FSCN2: variants seen among roughly 807,000 people sequenced by gnomAD.
FSCN2 encodes the protein fascin actin-bundling protein 2, retinal.
FSCN2 carries 46 observed loss-of-function variants against 37.8 expected under a neutral mutation model. The observed-to-expected ratio is 1.22, with a 90% CI of 0.96 to 1.56. The LOEUF is 1.56. FSCN2 is among the 40% of genes most tolerant of loss of function. The probability of loss-of-function intolerance (pLI) is 0.00; values close to 1 mark genes in which losing one functional copy is unlikely to be tolerated. For missense variants in FSCN2, 844 were observed against 730.4 expected (o/e 1.16, Z -1.79); for synonymous variants, 351 against 309.4 (o/e 1.13, Z -1.41).
the FSCN2 span, among the ~76,000 whole-genome samples, chr17:81,515,170 G>C: frequency 6.6e-6 from 1 of 152,190 alleles, no homozygotes; most frequent in Admixed American, 6.5e-5. Flanking sequence ...GGCGCAGGGG[G>C]CTGGACCGCG....
At chr17:81,532,440 A>ATGG (rs757834089) in intron 1 of FSCN2, among the ~76,000 whole-genome samples, 4 of 122,216 alleles carry the variant, frequency 3.3e-5, no homozygotes, top group African/African-American at 1.3e-4. Flanking sequence ...GATAATGGTG[A>ATGG]TGATGATGGT....
intron 1 of FSCN2, among the ~76,000 whole-genome samples, chr17:81,533,099 A>G (rs2032750991): frequency 6.6e-6 from 1 of 152,136 alleles, no homozygotes; most frequent in African/African-American, 2.4e-5. Context: ...GGGTGGTGCC[A>G]TAGCATCACC....
At position 81,536,361 on chromosome 17, in the gene FSCN2, C is replaced by T. The variant is rs2032877090; in HGVS notation, c.1105+94C>T. 20 of 1,479,926 alleles carry T rather than the reference C, an allele frequency of 1.4e-5. 1 individual carries two copies. The South Asian group carries it at 2.1e-4, about 16-fold the overall frequency. The allele number at this position is 1,479,926 out of a possible 1,614,324, so 91.7% of individuals were successfully genotyped here. A position where few individuals can be genotyped will look rare whatever the true frequency, so the allele number is the denominator to read the frequency against. The stretch of plus-strand genomic sequence containing the variant: ...ACCCCATCTCCACCAAGAGCTGGAC[C>T]CTCCCCAGCCCACGGAACGGGTGCT... On this transcript the variant is annotated intron_variant, in intron 3 of 4. Coordinates refer to ENST00000417245, the MANE Select transcript of FSCN2 (RefSeq NM_012418.4).
In FSCN2 at chr17:81,528,510, C is replaced by T. The variant is rs782326796; in HGVS notation, c.-22C>T. On this transcript the variant is annotated 5_prime_UTR_variant, in exon 1 of 5. Transcript: ENST00000417245. The stretch of plus-strand genomic sequence containing the variant: ...TCAGAGGGCGCATCCCAGGCCCCTC[C>T]GGGGACCCGGCCAGCCTGAAGATGC... 1.2e-4 allele frequency: 182 copies of T among 1,556,556 alleles called. 2 individuals are homozygous for T. The highest frequency in any genetic ancestry group is 1.5e-4 in the Non-Finnish European group (169 of 1,147,340).
At chr17:81,536,422 T>C in intron 3 of FSCN2, 155 bp downstream of exon 3, 1 of 1,453,598 alleles carries the variant, frequency 6.9e-7, no homozygotes, top group Non-Finnish European at 9.2e-7. Flanking sequence ...AGATAACTCG[T>C]CTTGGCAAGG....
At chr17:81,536,822 G>T in intron 4 of FSCN2, 33 bp downstream of exon 4, 1 of 1,555,578 alleles carries the variant, frequency 6.4e-7, no homozygotes, top group South Asian at 1.2e-5. Flanking sequence ...ACGCGGGAGC[G>T]GGGGTGGCAG....
the FSCN2 span, among the ~76,000 whole-genome samples, chr17:81,518,020 C>T: frequency 6.6e-6 from 1 of 152,194 alleles, no homozygotes; most frequent in African/African-American, 2.4e-5. Context: ...AGGGCCTCGG[C>T]TTCCGCAATG....
At chr17:81,524,483 C>T (rs182364404), upstream of FSCN2, among the ~76,000 whole-genome samples, 391 of 152,320 alleles carry the variant, frequency 2.6e-3, 2 homozygotes, top group African/African-American at 9.2e-3. Context: ...GAGGGTGGGG[C>T]GTGGAGCCCT....
At chr17:81,536,559 C>G (rs1413818287) in intron 3 of FSCN2, 63 bp from the exon 4 acceptor site, 2 of 1,591,370 alleles carry the variant, frequency 1.3e-6, no homozygotes, top group Non-Finnish European at 1.7e-6. Context: ...GGGCCCCCAC[C>G]CCGCCCGGCC....
intron 2 of FSCN2, among the ~76,000 whole-genome samples, chr17:81,535,847 CT>C (rs1440869333): frequency 8.4e-6 from 1 of 118,544 alleles, no homozygotes; most frequent in African/African-American, 4.8e-5. Flanking sequence ...CCATCCCCAT[CT>C]CCATCACCAT....
chr17:81,535,209 G>A lies in FSCN2; in HGVS notation c.983+1G>A. 1 of 1,527,688 alleles carries A rather than the reference G, an allele frequency of 6.5e-7. No homozygotes were observed. Among genetic ancestry groups the A allele is most frequent in the Non-Finnish European group, 8.8e-7 (1 of 1,141,940 alleles). The allele number at this position is 1,527,688 out of a possible 1,614,324, so 94.6% of individuals were successfully genotyped here. A position where few individuals can be genotyped will look rare whatever the true frequency, so the allele number is the denominator to read the frequency against. On this transcript the variant is annotated splice_donor_variant, in intron 2 of 4. Coordinates refer to ENST00000417245, the MANE Select transcript of FSCN2 (RefSeq NM_012418.4). LOFTEE classifies it high-confidence loss of function. ...GCATTCACGCCACAGCCACACAAGTGTGAGTGCACACATCCCTTCCTCCTC... is the reference window on the plus strand; with the variant it reads ...GCATTCACGCCACAGCCACACAAGTATGAGTGCACACATCCCTTCCTCCTC...
chr17:81,519,802 G>A, the FSCN2 span, among the ~76,000 whole-genome samples: 2 of 152,170 alleles, frequency 1.3e-5, no homozygotes, highest in African/African-American at 4.8e-5. Context: ...AGATGTCCGG[G>A]GTCCCTCCTG....
chr17:81,522,134 G>A, the FSCN2 span, among the ~76,000 whole-genome samples: 2 of 152,016 alleles, frequency 1.3e-5, no homozygotes, highest in Admixed American at 6.5e-5. Context: ...AGTCTCCTGA[G>A]TAGCTGGGAT....
At chr17:81,533,371 G>T in intron 1 of FSCN2, among the ~76,000 whole-genome samples, 1 of 152,186 alleles carries the variant, frequency 6.6e-6, no homozygotes, top group East Asian at 1.9e-4. Context: ...CGGGAGTCCA[G>T]AGAGCCCTGG....
At chr17:81,536,488 C>G in intron 3 of FSCN2, 134 bp from the exon 4 acceptor site, 1 of 1,531,096 alleles carries the variant, frequency 6.5e-7, no homozygotes, top group Non-Finnish European at 8.8e-7. Flanking sequence ...GGCGCCTTGC[C>G]AAGGCCGCAC....
In FSCN2 at chr17:81,535,042, C is replaced by T; in HGVS notation, c.827-10C>T. 1 of 1,519,156 alleles carries T rather than the reference C, an allele frequency of 6.6e-7. No individual in the cohort carries two copies. Among genetic ancestry groups the T allele is most frequent in the Non-Finnish European group, 8.8e-7 (1 of 1,137,274 alleles). The allele number at this position is 1,519,156 out of a possible 1,614,324, so 94.1% of individuals were successfully genotyped here. On this transcript the variant is annotated splice_polypyrimidine_tract_variant and intron_variant, in intron 1 of 4. Transcript: ENST00000417245. The stretch of plus-strand genomic sequence containing the variant: ...GAGGCGTGAGGGGCTTCCCCATCTC[C>T]TCCCTCCAGGGGTCAACGTCTCAGC...
In FSCN2 at chr17:81,537,079, G is replaced by A; in HGVS notation, c.1478G>A (p.Ter493=). The change falls in exon 5 of 5, where the codon TGA becomes TAA. Residue 493 remains the stop codon, a stop_retained_variant. Coordinates refer to ENST00000417245, the MANE Select transcript of FSCN2 (RefSeq NM_012418.4). ...APAGTALWEY[*] ...GCCGGGACCGCGCTTTGGGAGTACT[G>A]AGGCCGCGCCCAGACCAGCCTGTCG... The A allele has an allele frequency of 6.9e-7, 1 of 1,443,164 alleles. No individual in the cohort carries two copies. The highest frequency in any genetic ancestry group is 1.5e-5 in the African/African-American group (1 of 66,964). 89.4% of individuals were successfully genotyped at this position (1,443,164 alleles called of 1,614,324 possible). A position where few individuals can be genotyped will look rare whatever the true frequency, so the allele number is the denominator to read the frequency against.
chr17:81,519,530 G>T, the FSCN2 span, among the ~76,000 whole-genome samples: 2 of 152,174 alleles, frequency 1.3e-5, no homozygotes, highest in African/African-American at 4.8e-5. Flanking sequence ...CCAGGTGGGT[G>T]CCGCTATCGC....
chr17:81,528,438 A>G lies in FSCN2; in HGVS notation c.-94A>G. 2.1e-6 allele frequency: 2 copies of G among 944,092 alleles called. No homozygotes were observed. The highest frequency in any genetic ancestry group is 1.6e-5 in the South Asian group (1 of 62,102). 58.5% of individuals were successfully genotyped at this position (944,092 alleles called of 1,614,324 possible). ...CGGCTGGGTCTGGGGGCTGTGGGCC[A>G]GCCGAGCCGACCCGGGCTTCTGGGG... is the stretch of plus-strand genomic sequence containing the variant. On this transcript the variant is annotated 5_prime_UTR_variant, in exon 1 of 5. Transcript: ENST00000417245.
Sources: allele counts gnomAD v4.1 joint callset (sites outside exome capture counted in the v4.1 genomes callset), GRCh38; gene constraint gnomAD v4.1.1; transcripts MANE v1.5; gene names NCBI Gene and HGNC (gene_info 2026-07-23, HGNC 2026-07-21).